NUBPL: variants seen among roughly 807,000 people sequenced by gnomAD.
The protein encoded by NUBPL is NUBP iron-sulfur cluster assembly factor, mitochondrial, also known as iron-sulfur cluster transfer protein NUBPL.
In NUBPL, 31 loss-of-function variants were observed where a neutral mutation model predicts 45.7. The ratio of observed to expected loss-of-function variants is 0.68; its 90% CI spans 0.51 to 0.92. The LOEUF (loss-of-function observed/expected upper bound fraction) is 0.92, where lower values mean the gene tolerates loss of function less well. Ranked by LOEUF, NUBPL falls within the 40% of genes least tolerant of loss-of-function variation. The pLI is 0.00. For missense variants in NUBPL, 401 were observed against 398.7 expected, an observed-to-expected ratio of 1.01 and a Z score of -0.05; for synonymous variants, 144 against 140.9, an observed-to-expected ratio of 1.02 and a Z score of -0.15.
At chr14:31,571,610 T>TG (rs1419466702) in intron 3 of NUBPL, among the ~76,000 whole-genome samples, 1 of 151,990 alleles carries the variant, frequency 6.6e-6, no homozygotes, top group Non-Finnish European at 1.5e-5. Context: ...CCACCATGCC[T>TG]GGCTAATTTT....
At chr14:31,570,876 C>T (rs1450802447) in intron 3 of NUBPL, among the ~76,000 whole-genome samples, 1 of 152,226 alleles carries the variant, frequency 6.6e-6, no homozygotes, top group South Asian at 2.1e-4. Context: ...GACCTTTTAC[C>T]TGCCCGTACT....
At chr14:31,643,137 A>G (rs1296456708) in intron 4 of NUBPL, among the ~76,000 whole-genome samples, 5 of 151,990 alleles carry the variant, frequency 3.3e-5, no homozygotes, top group Non-Finnish European at 7.4e-5. Context: ...CAATTTGTAT[A>G]TGCTTTATCT....
At chr14:31,816,461 T>G (rs2039918664) in intron 7 of NUBPL, among the ~76,000 whole-genome samples, 1 of 152,186 alleles carries the variant, frequency 6.6e-6, no homozygotes, top group East Asian at 1.9e-4. Flanking sequence ...TCTATTTTGT[T>G]AATCCTTTGA....
intron 4 of NUBPL, among the ~76,000 whole-genome samples, chr14:31,671,877 CA>C (rs5807630): frequency 1 from 151,635 of 152,266 alleles, 75,507 homozygotes; most frequent in Middle Eastern, 1. Flanking sequence ...AGTCTCTTGA[CA>C]AGAGGGGAAA....
chr14:31,571,348 C>G (rs893959507), intron 3 of NUBPL, among the ~76,000 whole-genome samples: 1 of 151,926 alleles, frequency 6.6e-6, no homozygotes, highest in African/African-American at 2.4e-5. Flanking sequence ...AGATGTGCAC[C>G]CATGGGCTGC....
At chr14:31,626,212 C>G (rs1423479827) in intron 4 of NUBPL, among the ~76,000 whole-genome samples, 1 of 151,918 alleles carries the variant, frequency 6.6e-6, no homozygotes, top group African/African-American at 2.4e-5. Context: ...GGCTGGAGTG[C>G]AGTGGTGTGA....
At chr14:31,823,645 A>G (rs535473882) in intron 7 of NUBPL, among the ~76,000 whole-genome samples, 52 of 152,254 alleles carry the variant, frequency 3.4e-4, no homozygotes, top group Admixed American at 2.6e-3. Flanking sequence ...TAGTGTAATC[A>G]TAGAGATAGC....
In NUBPL at chr14:31,860,419, T is replaced by C. The variant is rs2040695882; in HGVS notation, c.*1239T>C. The stretch of plus-strand genomic sequence containing the variant: ...TCCTTTTTCAGAGCATTTCATGAAG[T>C]TCACATTTCAAATAATACATTTTGA... On this transcript the variant is annotated 3_prime_UTR_variant, in exon 11 of 11. Transcript: ENST00000281081. 1 of 152,052 alleles carries C rather than the reference T, an allele frequency of 6.6e-6. No homozygotes were observed. Among genetic ancestry groups the C allele is most frequent in the Non-Finnish European group, 1.5e-5 (1 of 68,024 alleles). 9.4% of individuals were successfully genotyped at this position (152,052 alleles called of 1,614,324 possible). A position where few individuals can be genotyped will look rare whatever the true frequency, so the allele number is the denominator to read the frequency against.
chr14:31,686,617 C>T (rs1235744595), intron 6 of NUBPL: 1 of 152,200 alleles, frequency 6.6e-6, no homozygotes, highest in Non-Finnish European at 1.5e-5. Context: ...TAAGTTTGAG[C>T]ATCAGACACG....
chr14:31,672,373 G>A (rs535293379), intron 4 of NUBPL, among the ~76,000 whole-genome samples: 1 of 152,036 alleles, frequency 6.6e-6, no homozygotes, highest in East Asian at 1.9e-4. Context: ...ATATGTTTAT[G>A]TATCTTTGTA....
intron 6 of NUBPL, among the ~76,000 whole-genome samples, chr14:31,681,050 T>A (rs935108981): frequency 3.3e-5 from 5 of 152,130 alleles, no homozygotes; most frequent in African/African-American, 9.6e-5. Flanking sequence ...AAGTGTTATA[T>A]GAGAGTTAGC....
intron 4 of NUBPL, among the ~76,000 whole-genome samples, chr14:31,638,990 AT>A (rs999386641): frequency 6.6e-6 from 1 of 151,642 alleles, no homozygotes; most frequent in South Asian, 2.1e-4. Flanking sequence ...ATTTGTCTAA[AT>A]TTTTTTTCAA....
At chr14:31,813,024 G>C (rs142872379) in intron 7 of NUBPL, among the ~76,000 whole-genome samples, 1 of 138,510 alleles carries the variant, frequency 7.2e-6, no homozygotes, top group Admixed American at 8.0e-5. Context: ...TTGCTCTGTC[G>C]CCTAGGCTGG....
At chr14:31,831,019 A>T (rs1234052381) in intron 8 of NUBPL, among the ~76,000 whole-genome samples, 1 of 151,720 alleles carries the variant, frequency 6.6e-6, no homozygotes, top group African/African-American at 2.4e-5. Flanking sequence ...TTTCTCAGGG[A>T]GAGGTGCCCT....
chr14:31,614,428 T>C (rs1320368602), intron 4 of NUBPL, among the ~76,000 whole-genome samples: 1 of 152,226 alleles, frequency 6.6e-6, no homozygotes, highest in Non-Finnish European at 1.5e-5. Context: ...GCTTTTTTCT[T>C]ATAAATGTTT....
chr14:31,571,819 A>G (rs1018092235), intron 3 of NUBPL, among the ~76,000 whole-genome samples: 1 of 152,182 alleles, frequency 6.6e-6, no homozygotes, highest in African/African-American at 2.4e-5. Context: ...TCATGCAGCC[A>G]TTCTGATAAG....
At chr14:31,834,346 A>T (rs1007020016) in intron 8 of NUBPL, among the ~76,000 whole-genome samples, 1 of 151,884 alleles carries the variant, frequency 6.6e-6, no homozygotes, top group Non-Finnish European at 1.5e-5. Context: ...ATGCCTGGCT[A>T]ATTTTTGTAC....
chr14:31,702,667 A>G (rs555790576), intron 6 of NUBPL, among the ~76,000 whole-genome samples: 2 of 152,338 alleles, frequency 1.3e-5, no homozygotes, highest in East Asian at 3.9e-4. Flanking sequence ...TGAAAGTACA[A>G]TTGACTCTGA....
intron 6 of NUBPL, among the ~76,000 whole-genome samples, chr14:31,709,878 G>A (rs574766690): frequency 3.2e-4 from 49 of 152,282 alleles, no homozygotes; most frequent in African/African-American, 9.9e-4. Flanking sequence ...TTAATAGGAC[G>A]GGGAGCTATA....
Sources: gnomAD v4.1 joint callset for allele counts (sites outside exome capture counted in the v4.1 genomes callset) on GRCh38, gnomAD v4.1.1 for gene constraint, MANE v1.5 for transcripts, NCBI Gene and HGNC (gene_info 2026-07-23, HGNC 2026-07-21) for gene names.